Variants in ME1 observed in about 807,000 individuals in gnomAD.
The protein encoded by ME1 is NADP-dependent malic enzyme.
Under a neutral mutation model 66.4 loss-of-function variants are expected in ME1, and 74 were observed. The ratio of observed to expected loss-of-function variants is 1.11; its 90% CI spans 0.92 to 1.35. The LOEUF (loss-of-function observed/expected upper bound fraction) is 1.35, where lower values mean the gene tolerates loss of function less well. Among genes scored for constraint, ME1 ranks in the 40% most tolerant of loss-of-function variants. The pLI, the probability that ME1 is intolerant of heterozygous loss-of-function variation, is 0.00. For synonymous variants in ME1, 251 were observed against 235.6 expected (o/e 1.07, Z -0.60); for missense variants, 750 against 694.1 (o/e 1.08, Z -0.90).
intron 13 of ME1, among the ~76,000 whole-genome samples, chr6:83,213,349 G>A (rs1191594604): frequency 4.0e-5 from 6 of 148,168 alleles, no homozygotes; most frequent in South Asian, 2.2e-4. Flanking sequence ...ACTTGAACCC[G>A]GGAGGCAGAG....
At chr6:83,408,845 T>C (rs150861354) in intron 1 of ME1, among the ~76,000 whole-genome samples, 187 of 152,306 alleles carry the variant, frequency 1.2e-3, no homozygotes, top group African/African-American at 4.3e-3. Context: ...AGACTATGAC[T>C]GCTGTTCCTC....
At chr6:83,368,327 T>G (rs1181109640) in intron 3 of ME1, among the ~76,000 whole-genome samples, 1 of 150,028 alleles carries the variant, frequency 6.7e-6, no homozygotes, top group Non-Finnish European at 1.5e-5. Flanking sequence ...AAAATGGCAC[T>G]GATAGACTTG....
chr6:83,427,018 C>T (rs1048981293), intron 1 of ME1, among the ~76,000 whole-genome samples: 1 of 152,010 alleles, frequency 6.6e-6, no homozygotes, highest in South Asian at 2.1e-4. Flanking sequence ...TTATTAGTCA[C>T]ATGAAAATTA....
chr6:83,419,646 T>C (rs1234200846), intron 1 of ME1, among the ~76,000 whole-genome samples: 3 of 152,224 alleles, frequency 2.0e-5, no homozygotes, highest in Admixed American at 2.0e-4. Context: ...TTATATCTTA[T>C]TTTTATAAAG....
At chr6:83,423,268 A>G (rs994017150) in intron 1 of ME1, among the ~76,000 whole-genome samples, 15 of 151,990 alleles carry the variant, frequency 9.9e-5, no homozygotes, top group South Asian at 8.3e-4. Flanking sequence ...AATATCCTTC[A>G]CAAATGAAGA....
Position 83,430,914 on chromosome 6 carries a change from C to G in ME1, c.41G>C (p.Arg14Pro). The change falls in exon 1 of 14, where the codon CGC (arginine) becomes CCC (proline). Residue 14 changes from arginine (R) to proline (P), a missense_variant. Coordinates refer to ENST00000369705, the MANE Select transcript of ME1 (RefSeq NM_002395.6). ...AGGGTTCCGTGTCAGCAGGTAGCCG[C>G]GCTGATGGGTGTGGCGGCGACGGGG... ...EAPRRRHTHQ[R>P]GYLLTRNPHL... 2.5e-6 allele frequency: 4 copies of G among 1,602,166 alleles called. No individual in the cohort carries two copies. Among genetic ancestry groups the G allele is most frequent in the Non-Finnish European group, 3.4e-6 (4 of 1,174,816 alleles).
chr6:83,270,229 A>G (rs986520063), intron 6 of ME1, among the ~76,000 whole-genome samples: 4 of 152,122 alleles, frequency 2.6e-5, no homozygotes, highest in Non-Finnish European at 4.4e-5. Context: ...TTTAAAAAAC[A>G]TATTTCTTAT....
intron 4 of ME1, among the ~76,000 whole-genome samples, chr6:83,349,002 C>G (rs9350979): frequency 8.2e-6 from 1 of 122,034 alleles, no homozygotes; most frequent in African/African-American, 3.4e-5. Flanking sequence ...AAAAAAAAAA[C>G]AAAAAACAAA....
intron 2 of ME1, 131 bp from the exon 3 acceptor site, chr6:83,398,647 G>T (rs956222208): frequency 5.8e-6 from 3 of 518,844 alleles, no homozygotes; most frequent in Non-Finnish European, 1.0e-5. Flanking sequence ...GATTAAAAAA[G>T]ACTTAAGAAA....
chr6:83,227,409 G>C lies in ME1; in HGVS notation c.1201C>G (p.Pro401Ala). The change falls in exon 11 of 14, where the codon CCT becomes GCT. Residue 401 changes from proline to alanine, a missense_variant. Pro to Ala is a conservative substitution (Grantham distance 27). Coordinates refer to ENST00000369705, the MANE Select transcript of ME1 (RefSeq NM_002395.6). ...GGATTACTCAAAGCAAAAATAATAG[G>C]CCGTTCATTGAAGGCAGCCATATCT... ...LKDMAAFNER[P>A]IIFALSNPTS... The C allele has an allele frequency of 6.2e-7, 1 of 1,604,910 alleles. No individual in the cohort carries two copies. Among genetic ancestry groups the C allele is most frequent in the South Asian group, 1.1e-5 (1 of 89,716 alleles).
At chr6:83,341,069 G>C (rs184303916) in intron 5 of ME1, among the ~76,000 whole-genome samples, 165 of 152,080 alleles carry the variant, frequency 1.1e-3, no homozygotes, top group Non-Finnish European at 8.5e-4. Context: ...TGTGATCTGG[G>C]GTAGGGCATC....
chr6:83,246,485 C>G (rs1316416366), intron 7 of ME1, among the ~76,000 whole-genome samples: 1 of 152,052 alleles, frequency 6.6e-6, no homozygotes, highest in Non-Finnish European at 1.5e-5. Flanking sequence ...TCATTCCATA[C>G]CTACTATTTT....
intron 5 of ME1, among the ~76,000 whole-genome samples, chr6:83,322,402 C>T (rs1236195717): frequency 1.3e-5 from 2 of 151,972 alleles, no homozygotes; most frequent in Non-Finnish European, 2.9e-5. Flanking sequence ...AAGCTAAGAA[C>T]CTTGATAAAA....
chr6:83,349,227 AAG>A (rs1199366938), intron 4 of ME1, among the ~76,000 whole-genome samples: 1 of 152,070 alleles, frequency 6.6e-6, no homozygotes, highest in Admixed American at 6.6e-5. Context: ...TTCCATATAA[AAG>A]AGTAGATTTT....
At chr6:83,225,625 T>C (rs935958897) in intron 11 of ME1, among the ~76,000 whole-genome samples, 3 of 152,150 alleles carry the variant, frequency 2.0e-5, no homozygotes, top group Non-Finnish European at 4.4e-5. Context: ...AATTCTCATC[T>C]AGCTGTTTAT....
chr6:83,257,929 T>C (rs1210142074), intron 6 of ME1, among the ~76,000 whole-genome samples: 9 of 152,142 alleles, frequency 5.9e-5, no homozygotes, highest in Admixed American at 3.9e-4. Flanking sequence ...TGAGCTGTCA[T>C]TATGTTCAGA....
intron 5 of ME1, among the ~76,000 whole-genome samples, chr6:83,321,223 G>C (rs1433175460): frequency 6.6e-6 from 1 of 152,110 alleles, no homozygotes; most frequent in Non-Finnish European, 1.5e-5. Flanking sequence ...CACAAAACTG[G>C]GTGGTCATTT....
intron 5 of ME1, among the ~76,000 whole-genome samples, chr6:83,323,041 T>C (rs1053991684): frequency 2.2e-4 from 34 of 152,210 alleles, no homozygotes; most frequent in African/African-American, 8.0e-4. Flanking sequence ...CAGAATTTCA[T>C]ATACAGCCAA....
chr6:83,312,297 T>C (rs538399764), intron 6 of ME1, among the ~76,000 whole-genome samples: 1 of 152,218 alleles, frequency 6.6e-6, no homozygotes, highest in East Asian at 1.9e-4. Flanking sequence ...GAGCCAGTAA[T>C]AAATGGAGCC....
Sources: gnomAD v4.1 joint callset for allele counts (sites outside exome capture counted in the v4.1 genomes callset) on GRCh38, gnomAD v4.1.1 for gene constraint, MANE v1.5 for transcripts, NCBI Gene and HGNC (gene_info 2026-07-23, HGNC 2026-07-21) for gene names.